FN3K: variants seen among roughly 807,000 people sequenced by gnomAD.
FN3K encodes the protein fructosamine 3 kinase.
Under a neutral mutation model 24.8 loss-of-function variants are expected in FN3K, and 24 were observed. The ratio of observed to expected loss-of-function variants is 0.97; its 90% CI spans 0.70 to 1.36. The LOEUF (loss-of-function observed/expected upper bound fraction) is 1.36, where lower values mean the gene tolerates loss of function less well. FN3K is among the 40% of genes most tolerant of loss of function. FN3K has a pLI of 0.00. For synonymous variants in FN3K, 192 were observed against 175.2 expected, an observed-to-expected ratio of 1.10 and a Z score of -0.76; for missense variants, 449 against 416.7, an observed-to-expected ratio of 1.08 and a Z score of -0.67.
rs772094006 is a variant in FN3K at position 82,750,652 on chromosome 17, G to A, written c.827G>A (p.Arg276Gln). The A allele has an allele frequency of 6.2e-7, 1 of 1,613,930 alleles. No homozygotes were observed. The highest frequency in any genetic ancestry group is 1.7e-5 in the Admixed American group (1 of 60,026). ...CCCAAGGCTCCGGGCTTCGACCAGCGGCTGCTGCTCTACCAGCTGTTTAAC... is the reference window on the plus strand; with the variant it reads ...CCCAAGGCTCCGGGCTTCGACCAGCAGCTGCTGCTCTACCAGCTGTTTAAC... ...KIPKAPGFDQRLLLYQLFNYL... is the reference protein window; with the variant it reads ...KIPKAPGFDQQLLLYQLFNYL... The change falls in exon 6 of 6, where the codon CGG (arginine) becomes CAG (glutamine). Residue 276 changes from arginine to glutamine, a missense_variant. By Grantham distance (43) the Arg-to-Gln change is conservative. Transcript: ENST00000300784.
At chr17:82,735,888 T>G in intron 1 of FN3K, 111 bp downstream of exon 1, 1 of 1,437,032 alleles carries the variant, frequency 7.0e-7, no homozygotes, top group African/African-American at 1.4e-5. Flanking sequence ...AGGGGTCAGC[T>G]TTGGCCCTTG....
intron 3 of FN3K, 142 bp downstream of exon 3, chr17:82,740,996 A>G: frequency 1.4e-6 from 1 of 698,426 alleles, no homozygotes; most frequent in South Asian, 1.6e-5. Context: ...TGAAAATGAG[A>G]TTATTAAATA....
At position 82,748,918 on chromosome 17, in the gene FN3K, G is replaced by A; in HGVS notation, c.532G>A (p.Asp178Asn). Residue 178 changes from aspartate to asparagine, a missense_variant, in exon 5 of 6, where the codon GAC becomes AAC. Asp to Asn is a conservative substitution (Grantham distance 23, BLOSUM62 1). Transcript: ENST00000300784. Reference sequence around the variant, plus strand: ...CCGGCACCGGCTCCAGGCGCAGCTGGACCTCATTGAGAAGGACTATGCTGA... The same window carrying A: ...CCGGCACCGGCTCCAGGCGCAGCTGAACCTCATTGAGAAGGACTATGCTGA... ...FARHRLQAQLDLIEKDYADRE... is the reference protein window; with the variant it reads ...FARHRLQAQLNLIEKDYADRE... 6.2e-7 allele frequency: 1 copy of A among 1,614,112 alleles called. No individual in the cohort carries two copies. The highest frequency in any genetic ancestry group is 8.5e-7 in the Non-Finnish European group (1 of 1,180,034).
intron 5 of FN3K, chr17:82,749,362 T>C: frequency 2.9e-6 from 1 of 347,086 alleles, no homozygotes; most frequent in South Asian, 2.3e-5. Context: ...CCAGAATGAC[T>C]GATTTCAAAA....
chr17:82,735,903 G>GGGTCAGCTTTGGCCCT, intron 1 of FN3K, 126 bp downstream of exon 1: 1 of 1,285,598 alleles, frequency 7.8e-7, no homozygotes, highest in Non-Finnish European at 1.1e-6. Context: ...CCCTTGGGAG[G>GGGTCAGCTTTGGCCCT]TGGCACCTGC....
At chr17:82,736,085 C>T (rs1481446792) in intron 1 of FN3K, 1 of 330,832 alleles carries the variant, frequency 3.0e-6, no homozygotes, top group Non-Finnish European at 5.6e-6. Context: ...TGGGCCGCCC[C>T]TCTCAGCCCA....
intron 1 of FN3K, 181 bp downstream of exon 1, chr17:82,735,958 C>T (rs897999577): frequency 3.2e-5 from 24 of 759,184 alleles, no homozygotes; most frequent in East Asian, 8.7e-5. Flanking sequence ...TGTGTCTGCA[C>T]GATCCGTGAC....
At chr17:82,745,050 T>C (rs1281656528) in intron 4 of FN3K, 2 of 152,224 alleles carry the variant, frequency 1.3e-5, no homozygotes, top group Non-Finnish European at 2.9e-5. Context: ...CTTCCTCTTA[T>C]ACTAATCCTC....
At position 82,738,497 on chromosome 17, in the gene FN3K, G is replaced by C; in HGVS notation, c.150G>C (p.Gln50His). Residue 50 changes from glutamine to histidine, a missense_variant, in exon 2 of 6, where the codon CAG becomes CAC. Transcript: ENST00000300784. ...VKVNRRTQAR[Q>H]MFEGEVASLE... is the part of the protein sequence containing the mutation. ...CTGTGTTCTGGATGCAGGCCCGGCA[G>C]ATGTTTGAGGGGGAGGTGGCCAGCC... 3 of 1,612,326 alleles carry C rather than the reference G, an allele frequency of 1.9e-6. No individual in the cohort carries two copies. Among genetic ancestry groups the C allele is most frequent in the Non-Finnish European group, 2.5e-6 (3 of 1,179,804 alleles).
chr17:82,737,148 G>T (rs1004694794), intron 1 of FN3K, among the ~76,000 whole-genome samples: 1 of 152,208 alleles, frequency 6.6e-6, no homozygotes, highest in African/African-American at 2.4e-5. Flanking sequence ...AGGCTGGGGA[G>T]GCTGTGCCTG....
intron 5 of FN3K, chr17:82,749,930 T>C (rs2451221): frequency 0.67 from 112,107 of 167,168 alleles, 37,849 homozygotes; most frequent in South Asian, 0.74. Flanking sequence ...TAGTGGCGGG[T>C]GCCTGTAATC....
At chr17:82,750,277 C>A in intron 5 of FN3K, 140 bp from the exon 6 acceptor site, 1 of 758,260 alleles carries the variant, frequency 1.3e-6, no homozygotes, top group South Asian at 1.5e-5. Context: ...TCAGGTGGCC[C>A]CTATTTCTGG....
intron 4 of FN3K, chr17:82,744,971 G>A (rs928773050): frequency 6.6e-6 from 1 of 152,234 alleles, no homozygotes; most frequent in African/African-American, 2.4e-5. Context: ...TTTATACCGA[G>A]ACATTCCATT....
At position 82,741,229 on chromosome 17, in the gene FN3K, G is replaced by A; in HGVS notation, c.386-82G>A. 3 of 1,281,526 alleles carry A rather than the reference G, an allele frequency of 2.3e-6. No homozygotes were observed. In the South Asian group the frequency reaches 3.8e-5, roughly 16 times the overall value. 79.4% of individuals were successfully genotyped at this position (1,281,526 alleles called of 1,614,324 possible). On this transcript the variant is annotated intron_variant, in intron 3 of 5. Transcript: ENST00000300784. Reference sequence around the variant, plus strand: ...CCTATATTCTAGCATGCGTAGCCCAGGCTTGTACTGATGCTCTGCTGAGGT... The same window carrying A: ...CCTATATTCTAGCATGCGTAGCCCAAGCTTGTACTGATGCTCTGCTGAGGT...
rs1555669093 is a variant in FN3K, at chr17:82,751,103, T to TCCCCCCGTG, written c.*353_*354insCGTGCCCCC. 22 of 14,354 alleles carry TCCCCCCGTG rather than the reference T, an allele frequency of 1.5e-3. No homozygotes were observed. In the African/African-American group the frequency reaches 0.018, roughly 12 times the overall value. 0.9% of individuals were successfully genotyped at this position (14,354 alleles called of 1,614,324 possible). A position where few individuals can be genotyped will look rare whatever the true frequency, so the allele number is the denominator to read the frequency against. On this transcript the variant is annotated 3_prime_UTR_variant, in exon 6 of 6. Coordinates refer to ENST00000300784, the MANE Select transcript of FN3K (RefSeq NM_022158.4). Reference sequence around the variant, plus strand: ...TCCCATCGCCGTCCCCCCGTCCCCGTCCCCCGTCCCCGTCCCCCCTGTCCC... The same window carrying TCCCCCCGTG: ...TCCCATCGCCGTCCCCCCGTCCCCGTCCCCCCGTGCCCCCGTCCCCGTCCCCCCTGTCCC...
At position 82,741,030 on chromosome 17, in the gene FN3K, C is replaced by G. The variant is rs567796038; in HGVS notation, c.385+176C>G. The G allele has an allele frequency of 1.5e-3, 1,013 of 673,470 alleles. 14 individuals are homozygous for G. Among genetic ancestry groups the G allele is most frequent in the Non-Finnish European group, 4.4e-4 (166 of 374,028 alleles). 41.7% of individuals were successfully genotyped at this position (673,470 alleles called of 1,614,324 possible). A position where few individuals can be genotyped will look rare whatever the true frequency, so the allele number is the denominator to read the frequency against. ...TAAGAATTTTGATGTAGCTGATAAG[C>G]TAGTAGAATTGGCACATGATCCCTT... On this transcript the variant is annotated intron_variant, in intron 3 of 5. Coordinates refer to ENST00000300784, the MANE Select transcript of FN3K (RefSeq NM_022158.4).
At position 82,750,804 on chromosome 17, in the gene FN3K, C is replaced by CGT; in HGVS notation, c.*50_*51dup. 6.7e-7 allele frequency: 1 copy of CGT among 1,494,116 alleles called. No individual in the cohort carries two copies. The highest frequency in any genetic ancestry group is 9.1e-7 in the Non-Finnish European group (1 of 1,099,138). 92.6% of individuals were successfully genotyped at this position (1,494,116 alleles called of 1,614,324 possible). A position where few individuals can be genotyped will look rare whatever the true frequency, so the allele number is the denominator to read the frequency against. On this transcript the variant is annotated 3_prime_UTR_variant, in exon 6 of 6. Transcript: ENST00000300784. ...GTCCCCGTCCCCGTCTCCGTCTCCC[C>CGT]GTCCCTGTCCCCCCGTCCCCCGTCC...
intron 1 of FN3K, among the ~76,000 whole-genome samples, chr17:82,736,933 C>G (rs994454011): frequency 6.6e-6 from 1 of 152,194 alleles, no homozygotes; most frequent in Non-Finnish European, 1.5e-5. Context: ...CTCCCACCCC[C>G]ACGAGGGGCC....
At chr17:82,738,883 A>C (rs1279060936) in intron 2 of FN3K, among the ~76,000 whole-genome samples, 2 of 132,462 alleles carry the variant, frequency 1.5e-5, no homozygotes, top group Non-Finnish European at 3.2e-5. Context: ...TTCCTAGATA[A>C]GTTTGGCTGT....
Sources: allele counts gnomAD v4.1 joint callset (sites outside exome capture counted in the v4.1 genomes callset), GRCh38; gene constraint gnomAD v4.1.1; transcripts MANE v1.5; gene names NCBI Gene and HGNC (gene_info 2026-07-23, HGNC 2026-07-21).